Variants in CTNNA3 observed in about 807,000 individuals in gnomAD.
CTNNA3 encodes the protein catenin alpha-3.
In CTNNA3, 76 loss-of-function variants were observed where a neutral mutation model predicts 95.7. The ratio of observed to expected loss-of-function variants is 0.79; its 90% confidence interval spans 0.66 to 0.96. The LOEUF (loss-of-function observed/expected upper bound fraction) is 0.96, where lower values mean the gene tolerates loss of function less well. CTNNA3 is among the 40% of genes least tolerant of loss of function. The pLI is 0.00. For synonymous variants in CTNNA3, 431 were observed against 374.4 expected (o/e 1.15, Z -1.74); for missense variants, 1,191 against 1,089.8 (o/e 1.09, Z -1.31).
At chr10:67,159,517 C>T (rs1861446630) in intron 7 of CTNNA3, among the ~76,000 whole-genome samples, 1 of 152,082 alleles carries the variant, frequency 6.6e-6, no homozygotes, top group Non-Finnish European at 1.5e-5. Flanking sequence ...GAAATGAAAC[C>T]ACATGTTATT....
intron 15 of CTNNA3, among the ~76,000 whole-genome samples, chr10:66,062,054 T>A (rs2080211774): frequency 6.6e-6 from 1 of 152,096 alleles, no homozygotes; most frequent in South Asian, 2.1e-4. Flanking sequence ...TAACTTTGCT[T>A]GTGTGTCCTT....
At chr10:66,466,033 AGG>A (rs2131860513) in intron 11 of CTNNA3, among the ~76,000 whole-genome samples, 1 of 152,136 alleles carries the variant, frequency 6.6e-6, no homozygotes, top group South Asian at 2.1e-4. Flanking sequence ...TTTTAAATTG[AGG>A]TTAGTTTTTA....
At chr10:66,002,181 A>G (rs2078784124) in intron 15 of CTNNA3, among the ~76,000 whole-genome samples, 1 of 152,220 alleles carries the variant, frequency 6.6e-6, no homozygotes, top group Non-Finnish European at 1.5e-5. Flanking sequence ...ACCAAAAATG[A>G]TAAGTTGAAA....
intron 5 of CTNNA3, among the ~76,000 whole-genome samples, chr10:67,372,336 T>C (rs1843502816): frequency 1.3e-5 from 2 of 152,236 alleles, no homozygotes; most frequent in Non-Finnish European, 2.9e-5. Context: ...GCCTAGGTTT[T>C]CTTCTGGGGT....
At chr10:66,468,491 T>C (rs529472556) in intron 11 of CTNNA3, among the ~76,000 whole-genome samples, 19 of 152,072 alleles carry the variant, frequency 1.2e-4, no homozygotes, top group African/African-American at 4.6e-4. Context: ...AAAATGCTGG[T>C]CAAGGTGTAC....
intron 7 of CTNNA3, among the ~76,000 whole-genome samples, chr10:66,951,140 CAG>C (rs1848519819): frequency 1.3e-5 from 2 of 149,024 alleles, no homozygotes; most frequent in African/African-American, 5.0e-5. Flanking sequence ...TTTTTTAAGA[CAG>C]AGTCTTGCTC....
chr10:66,318,794 T>C (rs1343516010), intron 12 of CTNNA3, among the ~76,000 whole-genome samples: 1 of 152,102 alleles, frequency 6.6e-6, no homozygotes, highest in African/African-American at 2.4e-5. Context: ...CCTAGATATT[T>C]GGTAAAATAA....
At chr10:66,620,435 CA>C (rs1451894404) in intron 10 of CTNNA3, among the ~76,000 whole-genome samples, 2 of 151,956 alleles carry the variant, frequency 1.3e-5, no homozygotes, top group African/African-American at 4.8e-5. Context: ...TAAATATTTG[CA>C]AAAAGAATGT....
At chr10:66,440,341 T>A (rs2456668) in intron 11 of CTNNA3, among the ~76,000 whole-genome samples, 31,685 of 151,946 alleles carry the variant, frequency 0.21, 3,713 homozygotes, top group Middle Eastern at 0.31. Context: ...GATTTGCCTA[T>A]TTTTCTAGTG....
intron 1 of CTNNA3, among the ~76,000 whole-genome samples, chr10:67,704,128 G>T (rs1589576462): frequency 6.6e-6 from 1 of 152,092 alleles, no homozygotes; most frequent in Non-Finnish European, 1.5e-5. Flanking sequence ...AATAAAAGAG[G>T]ATACAAACAA....
At chr10:67,114,573 T>C (rs1448640489) in intron 7 of CTNNA3, among the ~76,000 whole-genome samples, 1 of 152,196 alleles carries the variant, frequency 6.6e-6, no homozygotes, top group Non-Finnish European at 1.5e-5. Context: ...GATGTAACTG[T>C]ACCTACATAA....
chr10:66,148,793 T>C (rs1055483620), intron 13 of CTNNA3, among the ~76,000 whole-genome samples: 2 of 152,080 alleles, frequency 1.3e-5, no homozygotes, highest in African/African-American at 4.8e-5. Context: ...ATTATGTGTG[T>C]ATGTATTTAT....
intron 1 of CTNNA3, among the ~76,000 whole-genome samples, chr10:67,661,556 A>G (rs1395018997): frequency 1.3e-5 from 2 of 152,192 alleles, no homozygotes; most frequent in African/African-American, 4.8e-5. Context: ...AAGTTGATAA[A>G]CTGGACTTCA....
At chr10:67,671,035 T>C (rs2133549650) in intron 1 of CTNNA3, among the ~76,000 whole-genome samples, 1 of 152,288 alleles carries the variant, frequency 6.6e-6, no homozygotes, top group African/African-American at 2.4e-5. Context: ...GTGGTAAACA[T>C]TGCATGTTTG....
intron 6 of CTNNA3, among the ~76,000 whole-genome samples, chr10:67,182,201 A>G (rs1273056914): frequency 6.6e-6 from 1 of 152,192 alleles, no homozygotes; most frequent in Non-Finnish European, 1.5e-5. Flanking sequence ...TTTAAAGTTC[A>G]TATGGAACCA....
Position 66,076,813 on chromosome 10 carries a change from TA to T in CTNNA3, c.1978-7325del, listed in dbSNP as rs2080571778. Among the ~76,000 whole-genome samples, 6 of 151,876 alleles carry T rather than the reference TA, an allele frequency of 4.0e-5. No individual in the cohort carries two copies. The South Asian group carries it at 1.2e-3, about 31-fold the overall frequency. Reference sequence around the variant, plus strand: ...TTTTGAAAAAATTATGCCATTTAAATAATAATATGATGAGGTAGATATTAAT... The same window carrying T: ...TTTTGAAAAAATTATGCCATTTAAATATAATATGATGAGGTAGATATTAAT... On this transcript the variant is annotated intron_variant, in intron 14 of 17. Transcript: ENST00000433211.
At chr10:66,945,113 T>C (rs1848211297) in intron 7 of CTNNA3, among the ~76,000 whole-genome samples, 1 of 152,188 alleles carries the variant, frequency 6.6e-6, no homozygotes, top group Non-Finnish European at 1.5e-5. Context: ...ACTCAGCTTG[T>C]CCTTTGGAGC....
chr10:66,141,618 T>G (rs565142697), intron 13 of CTNNA3, among the ~76,000 whole-genome samples: 3 of 152,278 alleles, frequency 2.0e-5, no homozygotes, highest in Non-Finnish European at 2.9e-5. Context: ...TTTGGAGGGA[T>G]GAGGTACAGA....
intron 3 of CTNNA3, among the ~76,000 whole-genome samples, chr10:67,545,405 A>C (rs1226797132): frequency 6.6e-6 from 1 of 152,194 alleles, no homozygotes; most frequent in Admixed American, 6.5e-5. Flanking sequence ...TTAATCAAGA[A>C]GTTGAAAAGG....
Sources: gnomAD v4.1 joint callset for allele counts (sites outside exome capture counted in the v4.1 genomes callset) on GRCh38, gnomAD v4.1.1 for gene constraint, MANE v1.5 for transcripts, NCBI Gene and HGNC (gene_info 2026-07-23, HGNC 2026-07-21) for gene names.